The following SNRK variants were observed in gnomAD, a reference collection of about 807,000 sequenced individuals.
SNRK encodes the protein SNF-related serine/threonine-protein kinase.
SNRK carries 3 observed loss-of-function variants against 48.2 expected under a neutral mutation model. That is an observed-to-expected ratio of 0.06 (90% confidence interval 0.03 to 0.16). The LOEUF (loss-of-function observed/expected upper bound fraction) is 0.16. Ranked by LOEUF, SNRK falls within the 10% of genes least tolerant of loss-of-function variation. The probability of loss-of-function intolerance (pLI) is 1.00; values close to 1 mark genes in which losing one functional copy is unlikely to be tolerated. For missense variants in SNRK, 627 were observed against 976.0 expected (o/e 0.64, Z 4.76); for synonymous variants, 376 against 366.1 (o/e 1.03, Z -0.31).
At chr3:43,290,570 A>G (rs1490962515) in intron 1 of SNRK, among the ~76,000 whole-genome samples, 2 of 152,126 alleles carry the variant, frequency 1.3e-5, no homozygotes, top group African/African-American at 4.8e-5. Flanking sequence ...CTGCCCATAT[A>G]CCAGCTGCCC....
intron 1 of SNRK, among the ~76,000 whole-genome samples, chr3:43,298,483 A>AAC (rs2090873855): frequency 6.6e-6 from 1 of 152,176 alleles, no homozygotes; most frequent in Admixed American, 6.5e-5. Flanking sequence ...TGTGTGCTGC[A>AAC]GAACTGTTGC....
chr3:43,291,336 C>T (rs559064544), intron 1 of SNRK, among the ~76,000 whole-genome samples: 233 of 152,256 alleles, frequency 1.5e-3, no homozygotes, highest in African/African-American at 3.9e-3. Context: ...AAAAGAACAC[C>T]TCTTTTTGCG....
chr3:43,347,575 G>T lies in SNRK; in HGVS notation c.1316G>T (p.Arg439Leu). The T allele has an allele frequency of 6.2e-7, 1 of 1,614,008 alleles. No homozygotes were observed. Among genetic ancestry groups the T allele is most frequent in the Non-Finnish European group, 8.5e-7 (1 of 1,179,996 alleles). ...PASLKPTASG[R>L]KCLFRVEEDE... ...AGCTTAAAACCCACAGCCAGTGGGC[G>T]GAAGTGTCTGTTCAGGGTGGAAGAA... Residue 439 changes from arginine (R) to leucine (L), a missense_variant, in exon 7 of 7, where the codon CGG (arginine) becomes CTG (leucine). By Grantham distance (102) the Arg-to-Leu change is moderately radical (BLOSUM62 -2). This residue lies in a region of SNRK where 175 missense variants were observed against 209.7 expected (regional missense o/e 0.83). Coordinates refer to ENST00000296088, the MANE Select transcript of SNRK (RefSeq NM_017719.5). The surrounding 1 kb of genome is among the most constrained non-coding windows in gnomAD (Gnocchi z 5.4).
intron 1 of SNRK, among the ~76,000 whole-genome samples, chr3:43,299,070 T>C (rs929331059): frequency 2.6e-5 from 4 of 152,212 alleles, no homozygotes; most frequent in African/African-American, 7.2e-5. Flanking sequence ...ACAGGCAAGT[T>C]AAGCCTCATT....
At chr3:43,307,855 G>A (rs945167013) in intron 3 of SNRK, among the ~76,000 whole-genome samples, 3 of 152,152 alleles carry the variant, frequency 2.0e-5, no homozygotes, top group Non-Finnish European at 2.9e-5. Flanking sequence ...TAAGCTTATC[G>A]AGCAAGACAT....
intron 1 of SNRK, among the ~76,000 whole-genome samples, chr3:43,297,799 G>T (rs1192907426): frequency 6.6e-6 from 1 of 152,066 alleles, no homozygotes; most frequent in Non-Finnish European, 1.5e-5. Flanking sequence ...CATTTTGTGA[G>T]ATATTTTATT....
At position 43,350,607 on chromosome 3, in the gene SNRK, C is replaced by T. The variant is rs1210585807; in HGVS notation, c.*2050C>T. The T allele has an allele frequency of 6.6e-6, 1 of 152,458 alleles. No individual in the cohort carries two copies. Among genetic ancestry groups the T allele is most frequent in the African/African-American group, 2.4e-5 (1 of 41,406 alleles). The allele number at this position is 152,458 out of a possible 1,614,324, so 9.4% of individuals were successfully genotyped here. ...TTGTGTGGTTGACCCTTGGGGTATA[C>T]AAATGTCAGTCTGAGTGGTGTCTTA... On this transcript the variant is annotated 3_prime_UTR_variant, in exon 7 of 7. Coordinates refer to ENST00000296088, the MANE Select transcript of SNRK (RefSeq NM_017719.5).
At chr3:43,301,466 A>G (rs531015370) in intron 2 of SNRK, among the ~76,000 whole-genome samples, 19 of 152,322 alleles carry the variant, frequency 1.2e-4, no homozygotes, top group African/African-American at 3.8e-4. Flanking sequence ...AGCTATAAAA[A>G]TGAGACCAGT....
chr3:43,344,957 A>G (rs935996912), intron 6 of SNRK, among the ~76,000 whole-genome samples: 1 of 152,202 alleles, frequency 6.6e-6, no homozygotes, highest in African/African-American at 2.4e-5. Context: ...CTGATTGTAT[A>G]TGTGAGACCA....
At chr3:43,324,437 A>G (rs1226273305) in intron 3 of SNRK, among the ~76,000 whole-genome samples, 1 of 149,806 alleles carries the variant, frequency 6.7e-6, no homozygotes, top group Non-Finnish European at 1.5e-5. Context: ...TGAACCTGGG[A>G]TGTGGAGGTT....
At chr3:43,324,294 G>A (rs969700410) in intron 3 of SNRK, among the ~76,000 whole-genome samples, 4 of 152,140 alleles carry the variant, frequency 2.6e-5, no homozygotes, top group African/African-American at 9.7e-5. Flanking sequence ...TGGATCACAA[G>A]GTCAGGAGTT....
At chr3:43,337,859 C>G (rs888692050) in intron 4 of SNRK, among the ~76,000 whole-genome samples, 1 of 152,174 alleles carries the variant, frequency 6.6e-6, no homozygotes, top group African/African-American at 2.4e-5. Context: ...CACCTGGTGT[C>G]TCTGTTGACA....
In SNRK at chr3:43,335,719, C is replaced by CT. The variant is rs577030266; in HGVS notation, c.731+3412dup. Among the ~76,000 whole-genome samples, 26 of 152,102 alleles carry CT rather than the reference C, an allele frequency of 1.7e-4. No individual in the cohort carries two copies. In the East Asian group the frequency reaches 4.4e-3, roughly 26 times the overall value. On this transcript the variant is annotated intron_variant, in intron 4 of 6. Transcript: ENST00000296088. ...TTTCTTGGAGCTCTGTCAGTTTTTG[C>CT]TTTGAGTGTTTTGAGGTAATGTTAT...
intron 4 of SNRK, among the ~76,000 whole-genome samples, chr3:43,339,839 A>ATG (rs1167892859): frequency 4.3e-5 from 2 of 46,196 alleles, no homozygotes; most frequent in African/African-American, 2.1e-4. Context: ...ATATATATAT[A>ATG]TATATATATA....
chr3:43,317,800 G>T (rs1006702221), intron 3 of SNRK, among the ~76,000 whole-genome samples: 1 of 152,168 alleles, frequency 6.6e-6, no homozygotes, highest in Non-Finnish European at 1.5e-5. Context: ...CAGAGGTGTA[G>T]GGCCCCAGCA....
In SNRK at chr3:43,350,205, T is replaced by TATA. The variant is rs1449043161; in HGVS notation, c.*1651_*1653dup. 6.5e-6 allele frequency: 1 copy of TATA among 152,692 alleles called. No individual in the cohort carries two copies. The highest frequency in any genetic ancestry group is 1.5e-5 in the Non-Finnish European group (1 of 68,044). The allele number at this position is 152,692 out of a possible 1,614,324, so 9.5% of individuals were successfully genotyped here. A position where few individuals can be genotyped will look rare whatever the true frequency, so the allele number is the denominator to read the frequency against. Reference sequence around the variant, plus strand: ...TACAGCTCTAGTTCATTGTGATATTTATAATTTGAAAGCTATGAGAATAGA... The same window carrying TATA: ...TACAGCTCTAGTTCATTGTGATATTTATAATAATTTGAAAGCTATGAGAATAGA... On this transcript the variant is annotated 3_prime_UTR_variant, in exon 7 of 7. Transcript: ENST00000296088.
At chr3:43,307,658 A>G (rs1269590892) in intron 3 of SNRK, among the ~76,000 whole-genome samples, 2 of 152,026 alleles carry the variant, frequency 1.3e-5, no homozygotes, top group African/African-American at 4.8e-5. Context: ...ATGTGTTCTG[A>G]CTGTTTTACC....
At chr3:43,291,229 C>G (rs556884899) in intron 1 of SNRK, among the ~76,000 whole-genome samples, 1 of 152,338 alleles carries the variant, frequency 6.6e-6, no homozygotes, top group South Asian at 2.1e-4. Flanking sequence ...TGAAAAGCCT[C>G]TTCCTTACCG....
intron 1 of SNRK, among the ~76,000 whole-genome samples, chr3:43,298,739 C>A (rs553856536): frequency 7.9e-5 from 12 of 152,226 alleles, no homozygotes; most frequent in Non-Finnish European, 1.5e-4. Flanking sequence ...ATGGGAAGAC[C>A]TGCAAGGCTA....
Sources: allele counts gnomAD v4.1 joint callset (sites outside exome capture counted in the v4.1 genomes callset), GRCh38; gene constraint gnomAD v4.1.1; regional missense constraint gnomAD v4.1.1; non-coding constraint Gnocchi (gnomAD v3.1); transcripts MANE v1.5; gene names NCBI Gene and HGNC (gene_info 2026-07-23, HGNC 2026-07-21).